ROBO1: variants seen among roughly 807,000 people sequenced by gnomAD.
ROBO1 encodes the protein roundabout guidance receptor 1, also known as roundabout homolog 1.
A neutral mutation model predicts 195.9 loss-of-function variants in ROBO1; 149 were observed. The ratio of observed to expected loss-of-function variants is 0.76; its 90% CI spans 0.67 to 0.87. The LOEUF (loss-of-function observed/expected upper bound fraction) is 0.87, where lower values mean the gene tolerates loss of function less well. ROBO1 is among the 40% of genes least tolerant of loss of function. The probability of loss-of-function intolerance (pLI) is 0.00; values close to 1 mark genes in which losing one functional copy is unlikely to be tolerated. For synonymous variants in ROBO1, 816 were observed against 733.2 expected (o/e 1.11, Z -1.82); for missense variants, 1,933 against 2,068.3 (o/e 0.93, Z 1.27).
At position 78,617,990 on chromosome 3, in the gene ROBO1, A is replaced by G. The variant is rs781162534; in HGVS notation, c.3927T>C (p.His1309=). Residue 1309 remains histidine, a synonymous_variant, in exon 27 of 31, where the codon CAT becomes CAC. Coordinates refer to ENST00000464233, the MANE Select transcript of ROBO1 (RefSeq NM_002941.4). ...GGGGTCCTGAAATGTAGCCATAGGT[A>G]TGTGGAGGGGAGATCGGCCGTGGTG... The part of the protein sequence containing the change: ...PPPPRPISPP[H]TYGYISGPLV... 3.1e-5 allele frequency: 50 copies of G among 1,613,934 alleles called. No individual in the cohort carries two copies. The Admixed American group carries it at 7.8e-4, about 25-fold the overall frequency.
chr3:79,641,512 CA>C (rs1247619175), intron 1 of ROBO1, among the ~76,000 whole-genome samples: 122 of 151,580 alleles, frequency 8.0e-4, no homozygotes, highest in African/African-American at 2.9e-3. Flanking sequence ...CTAACCTGCA[CA>C]ATGTGCACAT....
intron 4 of ROBO1, among the ~76,000 whole-genome samples, chr3:78,776,321 G>A (rs1003623797): frequency 2.0e-5 from 3 of 151,984 alleles, no homozygotes. Context: ...GCACGATCTC[G>A]GCCCACTGCA....
At chr3:79,642,047 AAAAT>A (rs1326649853) in intron 1 of ROBO1, among the ~76,000 whole-genome samples, 3 of 152,182 alleles carry the variant, frequency 2.0e-5, no homozygotes, top group Admixed American at 6.6e-5. Context: ...TTAAAAAAGG[AAAAT>A]AAAGAAACAT....
chr3:79,488,369 G>A (rs1475209448), intron 2 of ROBO1, among the ~76,000 whole-genome samples: 1 of 152,028 alleles, frequency 6.6e-6, no homozygotes, highest in East Asian at 1.9e-4. Flanking sequence ...ACTTTAATGG[G>A]TCATAACAAA....
intron 1 of ROBO1, among the ~76,000 whole-genome samples, chr3:79,631,291 T>C (rs1252109031): frequency 3.9e-5 from 6 of 151,992 alleles, no homozygotes; most frequent in Non-Finnish European, 7.4e-5. Context: ...TATGGACACA[T>C]AGATCAATGG....
At chr3:78,689,545 GT>G (rs923949257) in intron 8 of ROBO1, among the ~76,000 whole-genome samples, 1 of 151,480 alleles carries the variant, frequency 6.6e-6, no homozygotes, top group African/African-American at 2.4e-5. Flanking sequence ...AAAGGTATTT[GT>G]TTTTGGGCTG....
At chr3:79,390,431 A>G (rs977624566) in intron 2 of ROBO1, among the ~76,000 whole-genome samples, 1 of 152,160 alleles carries the variant, frequency 6.6e-6, no homozygotes, top group Non-Finnish European at 1.5e-5. Context: ...ACAAGCTTCA[A>G]GCTCAGGAGG....
At chr3:79,353,310 G>A (rs2035416828) in intron 2 of ROBO1, among the ~76,000 whole-genome samples, 2 of 151,910 alleles carry the variant, frequency 1.3e-5, no homozygotes, top group Admixed American at 1.3e-4. Flanking sequence ...ATAGATATAT[G>A]ATTAAGGTAG....
chr3:78,770,109 T>C (rs116063928), intron 4 of ROBO1, among the ~76,000 whole-genome samples: 315 of 152,290 alleles, frequency 2.1e-3, no homozygotes, highest in African/African-American at 7.3e-3. Context: ...CTTCTTGAAT[T>C]TGGATGTTTA....
At chr3:79,440,357 T>C (rs2039013564) in intron 2 of ROBO1, among the ~76,000 whole-genome samples, 1 of 152,224 alleles carries the variant, frequency 6.6e-6, no homozygotes, top group Middle Eastern at 3.4e-3. Context: ...CCAAACTATT[T>C]GTACTTTCCT....
At chr3:79,706,906 C>A (rs994628575) in intron 1 of ROBO1, among the ~76,000 whole-genome samples, 5 of 151,940 alleles carry the variant, frequency 3.3e-5, no homozygotes, top group African/African-American at 9.7e-5. Context: ...ATTCAATTTG[C>A]TAATATTTTG....
At chr3:78,842,063 A>G (rs943582773) in intron 4 of ROBO1, among the ~76,000 whole-genome samples, 1 of 150,906 alleles carries the variant, frequency 6.6e-6, no homozygotes, top group African/African-American at 2.4e-5. Context: ...TCAGCAACAA[A>G]AGCACAAAAT....
chr3:79,205,168 A>G (rs780807624), intron 2 of ROBO1, among the ~76,000 whole-genome samples: 4 of 151,664 alleles, frequency 2.6e-5, no homozygotes, highest in Non-Finnish European at 5.9e-5. Context: ...AATTTTTTCT[A>G]TTTTTAGTAG....
chr3:79,254,760 G>A (rs2082797853), intron 2 of ROBO1, among the ~76,000 whole-genome samples: 1 of 152,110 alleles, frequency 6.6e-6, no homozygotes, highest in South Asian at 2.1e-4. Flanking sequence ...CCCTTATTGG[G>A]TGTAAGCTTC....
At chr3:78,698,619 A>T (rs1015141612) in intron 8 of ROBO1, among the ~76,000 whole-genome samples, 1 of 152,184 alleles carries the variant, frequency 6.6e-6, no homozygotes, top group Non-Finnish European at 1.5e-5. Context: ...ACAGAGGCCA[A>T]TGATACTGAC....
chr3:79,201,894 T>C (rs2081772402), intron 2 of ROBO1, among the ~76,000 whole-genome samples: 1 of 149,094 alleles, frequency 6.7e-6, no homozygotes, highest in Non-Finnish European at 1.5e-5. Context: ...TTATATATTA[T>C]ATAATATATA....
chr3:79,170,229 T>A (rs1559709659), intron 2 of ROBO1, among the ~76,000 whole-genome samples: 1 of 152,140 alleles, frequency 6.6e-6, no homozygotes, highest in Non-Finnish European at 1.5e-5. Context: ...CTCATTTACC[T>A]ACTAATTACT....
At position 78,657,279 on chromosome 3, in the gene ROBO1, G is replaced by A. The variant is rs1044794375; in HGVS notation, c.2443-10C>T. Reference sequence around the variant, plus strand: ...TGCCCAGACACCAAACCTGTAAGAAGCACATCACAAAAATCAAGCTGGTAA... The same window carrying A: ...TGCCCAGACACCAAACCTGTAAGAAACACATCACAAAAATCAAGCTGGTAA... On this transcript the variant is annotated splice_polypyrimidine_tract_variant and intron_variant, in intron 17 of 30. Transcript: ENST00000464233. The A allele has an allele frequency of 7.4e-6, 12 of 1,612,376 alleles. 1 individual carries two copies. The South Asian group carries it at 1.1e-4, about 15-fold the overall frequency.
chr3:79,739,588 C>T (rs1227505274), intron 1 of ROBO1, among the ~76,000 whole-genome samples: 1 of 152,108 alleles, frequency 6.6e-6, no homozygotes, highest in Non-Finnish European at 1.5e-5. Context: ...CAAATGGAGG[C>T]TATTTCACAT....
Sources: allele counts gnomAD v4.1 joint callset (sites outside exome capture counted in the v4.1 genomes callset), GRCh38; gene constraint gnomAD v4.1.1; transcripts MANE v1.5; gene names NCBI Gene and HGNC (gene_info 2026-07-23, HGNC 2026-07-21).